Variants in CRLF2 observed in about 807,000 individuals in gnomAD.
CRLF2 encodes cytokine receptor like factor 2, also known as cytokine receptor-like factor 2.
Under a neutral mutation model 38.7 loss-of-function variants are expected in CRLF2, and 41 were observed. The ratio of observed to expected loss-of-function variants is 1.06; its 90% confidence interval spans 0.83 to 1.37. The LOEUF (loss-of-function observed/expected upper bound fraction) is 1.37, where lower values mean the gene tolerates loss of function less well. CRLF2 is among the 40% of genes most tolerant of loss of function. The probability of loss-of-function intolerance (pLI) is 0.00; values close to 1 mark genes in which losing one functional copy is unlikely to be tolerated. For missense variants in CRLF2, 377 were observed against 322.2 expected (o/e 1.17, Z -1.30); for synonymous variants, 140 against 128.8 (o/e 1.09, Z -0.59).
intron 5 of CRLF2, among the ~76,000 whole-genome samples, chrX:1,197,641 C>G (rs1477077300): frequency 2.5e-4 from 38 of 151,894 alleles, no homozygotes; most frequent in Admixed American, 1.5e-3. Context: ...TGGGGAAACG[C>G]CATCCCTACT....
At chrX:1,202,633 C>G (rs2086628598) in intron 3 of CRLF2, 98 bp from the exon 4 acceptor site, 1 of 1,324,008 alleles carries the variant, frequency 7.6e-7, no homozygotes, top group African/African-American at 2.3e-5. Flanking sequence ...CCCTCCTCCC[C>G]TTAATACCTT....
rs747962265 is a variant in CRLF2, at chrX:1,212,626, C to A, written c.9G>T (p.Arg3=). The A allele has an allele frequency of 6.2e-7, 1 of 1,611,360 alleles. No homozygotes were observed. The highest frequency in any genetic ancestry group is 1.3e-5 in the African/African-American group (1 of 74,694). The change falls in exon 1 of 8, where the codon CGG becomes CGT. Residue 3 remains arginine, a synonymous_variant. Transcript: ENST00000400841. MG[R]LVLLWGAAVF... ...CGGCAGCTCCCCACAGCAGAACCAG[C>A]CGCCCCATGCCTGAAACAGGAGTGG... is the stretch of plus-strand genomic sequence containing the variant.
rs371174830 is a variant in CRLF2 at position 1,198,736 on chromosome X, TACACAC to T, written c.484-18_484-13del. 0.019 allele frequency: 15,708 copies of T among 821,678 alleles called. 361 individuals carry two copies. Among genetic ancestry groups the T allele is most frequent in the South Asian group, 0.031 (1,826 of 59,818 alleles). 50.9% of individuals were successfully genotyped at this position (821,678 alleles called of 1,614,324 possible). ...TTTTCCTGTTTGGACTGGAGAAACA[TACACAC>T]ACACACACACACACACACACACACA... On this transcript the variant is annotated splice_polypyrimidine_tract_variant and intron_variant, in intron 4 of 7. Coordinates refer to ENST00000400841, the MANE Select transcript of CRLF2 (RefSeq NM_022148.4).
chrX:1,202,424 C>G lies in CRLF2; in HGVS notation c.461G>C (p.Ser154Thr), dbSNP rs2147841501. The G allele has an allele frequency of 6.2e-7, 1 of 1,613,658 alleles. No homozygotes were observed. ...CACCTGCCACTCGGTGTCGAAGGGGCTCCGGTACTGAACCTCATAGAGGAG... is the reference window on the plus strand; with the variant it reads ...CACCTGCCACTCGGTGTCGAAGGGGGTCCGGTACTGAACCTCATAGAGGAG... The part of the protein sequence containing the change: ...GDLLYEVQYR[S>T]PFDTEWQSKQ... Residue 154 changes from serine to threonine, a missense_variant, in exon 4 of 8, where the codon AGC (serine) becomes ACC (threonine). Physicochemically the swap from Ser to Thr is moderately conservative, Grantham distance 58. Transcript: ENST00000400841.
At position 1,208,814 on chromosome X, in the gene CRLF2, G is replaced by A. The variant is rs1427737394; in HGVS notation, c.174C>T (p.Phe58=). The A allele has an allele frequency of 6.2e-7, 1 of 1,604,484 alleles. No individual in the cohort carries two copies. The highest frequency in any genetic ancestry group is 1.3e-5 in the African/African-American group (1 of 74,722). ...TTCTGGGGGCCACTTACCTGTAGTG[G>A]AAAGTCAGGTTGGTCCTGGAGTATT... The part of the protein sequence containing the change: ...ASKYSRTNLT[F]HYRFNGDEAY... Residue 58 remains phenylalanine, a synonymous_variant, in exon 2 of 8, where the codon TTC becomes TTT. Transcript: ENST00000400841.
At position 1,191,074 on chromosome X, in the gene CRLF2, T is replaced by A. The variant is rs1480839877; in HGVS notation, c.939A>T (p.Val313=). The A allele has an allele frequency of 5.0e-6, 2 of 398,198 alleles. No homozygotes were observed. Among genetic ancestry groups the A allele is most frequent in the Non-Finnish European group, 8.8e-6 (2 of 226,030 alleles). 24.7% of individuals were successfully genotyped at this position (398,198 alleles called of 1,614,324 possible). Residue 313 remains valine, a synonymous_variant, in exon 8 of 8, where the codon GTA becomes GTT. Transcript: ENST00000400841. ...EQESGPEEPL[V]VQLAKTEAES... ...CGGCTTCAGTCTTGGCCAACTGGAC[T>A]ACCAGGGGCTCCTCGGGGCCACTTT...
At chrX:1,191,341 C>CTTTCTTTCTTTG (rs2086374604) in intron 7 of CRLF2, among the ~76,000 whole-genome samples, 181 bp from the exon 8 acceptor site, 5 of 103,672 alleles carry the variant, frequency 4.8e-5, no homozygotes, top group African/African-American at 1.4e-4. Flanking sequence ...TTCTTTCTTT[C>CTTTCTTTCTTTG]TTTCCTTCTT....
At chrX:1,209,156 A>G (rs1313513258) in intron 1 of CRLF2, among the ~76,000 whole-genome samples, 2 of 151,364 alleles carry the variant, frequency 1.3e-5, no homozygotes, top group African/African-American at 4.9e-5. Context: ...TTTAGTAGAG[A>G]CGGGGTTTCA....
intron 4 of CRLF2, among the ~76,000 whole-genome samples, chrX:1,200,690 G>A (rs1279821084): frequency 1.9e-5 from 1 of 52,948 alleles, no homozygotes; most frequent in African/African-American, 5.9e-5. Context: ...GTGTGTGTGT[G>A]TATATGTGTG....
rs372744301 is a variant in CRLF2 at position 1,208,026 on chromosome X, T to C, written c.182+780A>G. Among the ~76,000 whole-genome samples the C allele has an allele frequency of 7.2e-5, 11 of 152,286 alleles. No individual in the cohort carries two copies. The East Asian group carries it at 1.9e-3, about 27-fold the overall frequency. ...AATCATCCACCCATGATTAAATTTA[T>C]TGGAAAAACCCTTCCTGCAATGTTC... On this transcript the variant is annotated intron_variant, in intron 2 of 7. Transcript: ENST00000400841.
intron 4 of CRLF2, among the ~76,000 whole-genome samples, chrX:1,200,311 A>G (rs1469211296): frequency 4.2e-5 from 5 of 119,348 alleles, no homozygotes; most frequent in African/African-American, 1.4e-4. Context: ...TAAGCTGTGC[A>G]CATATGTGTG....
chrX:1,202,385 G>A lies in CRLF2; in HGVS notation c.483+17C>T, dbSNP rs1257444100. 15 of 1,613,202 alleles carry A rather than the reference G, an allele frequency of 9.3e-6. No homozygotes were observed. Among genetic ancestry groups the A allele is most frequent in the East Asian group, 2.2e-5 (1 of 44,886 alleles). ...CGCTCAGCCACCATCGCCCTGAGTC[G>A]CGGCCGCCCGGCTCACCTGCCACTC... On this transcript the variant is annotated intron_variant, in intron 4 of 7. Transcript: ENST00000400841.
intron 7 of CRLF2, 135 bp from the exon 8 acceptor site, chrX:1,191,295 C>CTCTTCCTT (rs2086369004): frequency 6.3e-6 from 2 of 318,742 alleles, no homozygotes; most frequent in African/African-American, 5.8e-5. Context: ...CTTTTCTTTT[C>CTCTTCCTT]TCTTTCTTTC....
At chrX:1,191,348 T>TTCTTTC (rs1413878313) in intron 7 of CRLF2, among the ~76,000 whole-genome samples, 188 bp from the exon 8 acceptor site, 2,766 of 122,412 alleles carry the variant, frequency 0.023, 141 homozygotes, top group East Asian at 0.037. Context: ...TTTCTTTCCT[T>TTCTTTC]CTTTCTTTCT....
intron 4 of CRLF2, among the ~76,000 whole-genome samples, chrX:1,199,340 T>G (rs1236934574): frequency 6.6e-6 from 1 of 151,916 alleles, no homozygotes; most frequent in Non-Finnish European, 1.5e-5. Flanking sequence ...AGTCTTGCTC[T>G]GTTGCCCAGG....
intron 5 of CRLF2, among the ~76,000 whole-genome samples, chrX:1,198,148 C>A: frequency 7.4e-6 from 1 of 134,968 alleles, no homozygotes; most frequent in South Asian, 2.3e-4. Context: ...CACCCTCCCT[C>A]CCACCTCGAA....
chrX:1,203,197 G>C (rs113521455), intron 3 of CRLF2, among the ~76,000 whole-genome samples: 12,416 of 151,740 alleles, frequency 0.082, 1,173 homozygotes, highest in African/African-American at 0.23. Context: ...GGAGAAGGAA[G>C]GGTTCTAAAT....
chrX:1,191,295 CTCTT>C (rs1237998931), intron 7 of CRLF2, 135 bp from the exon 8 acceptor site: 6,922 of 331,084 alleles, frequency 0.021, 591 homozygotes, highest in Non-Finnish European at 0.023. Flanking sequence ...CTTTTCTTTT[CTCTT>C]TCTTTCTTTC....
chrX:1,198,139 ACCCTCCCTCCC>A (rs2147831491), intron 5 of CRLF2, among the ~76,000 whole-genome samples: 1 of 142,414 alleles, frequency 7.0e-6, no homozygotes, highest in East Asian at 2.1e-4. Context: ...AAGGCAGGAC[ACCCTCCCTCCC>A]ACCTCGAAGG....
Sources: allele counts gnomAD v4.1 joint callset (sites outside exome capture counted in the v4.1 genomes callset), GRCh38; gene constraint gnomAD v4.1.1; transcripts MANE v1.5; gene names NCBI Gene and HGNC (gene_info 2026-07-23, HGNC 2026-07-21).